The following WWOX variants were observed in gnomAD, a reference collection of about 807,000 sequenced individuals.
WWOX encodes WW domain containing oxidoreductase.
A neutral mutation model predicts 46.2 loss-of-function variants in WWOX; 69 were observed. The observed-to-expected ratio is 1.49, with a 90% CI of 1.23 to 1.82. The LOEUF (loss-of-function observed/expected upper bound fraction) is 1.82, where lower values mean the gene tolerates loss of function less well. Ranked by LOEUF, WWOX falls within the 40% of genes most tolerant of loss-of-function variation. The pLI is 0.00. For missense variants in WWOX, 919 were observed against 542.6 expected (o/e 1.69, Z -6.89); for synonymous variants, 359 against 202.6 (o/e 1.77, Z -6.56).
chr16:79,212,083 C>T lies in WWOX; in HGVS notation c.*287C>T, dbSNP rs751222745. On this transcript the variant is annotated 3_prime_UTR_variant, in exon 9 of 9. Transcript: ENST00000566780. ...GCTTGGTGTGTAGGTTCCGTATCTC[C>T]CTGGAGAAGCACCAGCAATTCTCTT... 9.9e-5 allele frequency: 152 copies of T among 1,536,106 alleles called. No individual in the cohort carries two copies. Among genetic ancestry groups the T allele is most frequent in the Non-Finnish European group, 1.3e-4 (145 of 1,146,898 alleles).
At chr16:79,195,996 C>A (rs1012747127) in intron 8 of WWOX, among the ~76,000 whole-genome samples, 1 of 152,154 alleles carries the variant, frequency 6.6e-6, no homozygotes. Context: ...TTAGTGGGGA[C>A]AATAATACTA....
At chr16:78,711,155 C>T (rs1156591389) in intron 8 of WWOX, among the ~76,000 whole-genome samples, 1 of 152,184 alleles carries the variant, frequency 6.6e-6, no homozygotes, top group East Asian at 1.9e-4. Flanking sequence ...TGTGTCCTCT[C>T]TGTTCTTGCT....
At chr16:78,888,032 A>G (rs1466656925) in intron 8 of WWOX, among the ~76,000 whole-genome samples, 1 of 152,240 alleles carries the variant, frequency 6.6e-6, no homozygotes, top group Non-Finnish European at 1.5e-5. Context: ...GCATTAGAAT[A>G]TAACTGTATG....
At chr16:78,429,646 ATG>A (rs1432351960) in intron 7 of WWOX, among the ~76,000 whole-genome samples, 1 of 152,190 alleles carries the variant, frequency 6.6e-6, no homozygotes, top group Non-Finnish European at 1.5e-5. Flanking sequence ...TTTTCAAGTC[ATG>A]TCCCATACCT....
intron 8 of WWOX, among the ~76,000 whole-genome samples, chr16:79,133,302 G>A (rs939476419): frequency 1.3e-5 from 2 of 152,042 alleles, no homozygotes; most frequent in African/African-American, 2.4e-5. Context: ...TCAATGAGAC[G>A]CCACTTAACA....
intron 8 of WWOX, among the ~76,000 whole-genome samples, chr16:78,969,461 G>C (rs979490850): frequency 1.4e-4 from 22 of 151,926 alleles, no homozygotes; most frequent in Admixed American, 1.4e-3. Flanking sequence ...AGTACAGACA[G>C]GGTTTCACCG....
At chr16:78,837,660 A>T (rs2052026285) in intron 8 of WWOX, among the ~76,000 whole-genome samples, 1 of 152,142 alleles carries the variant, frequency 6.6e-6, no homozygotes, top group South Asian at 2.1e-4. Context: ...AATATTTTGT[A>T]TCTTATACCA....
chr16:78,922,824 A>G (rs937634444), intron 8 of WWOX, among the ~76,000 whole-genome samples: 1 of 152,230 alleles, frequency 6.6e-6, no homozygotes, highest in African/African-American at 2.4e-5. Flanking sequence ...TGGGGGTCCC[A>G]GTCCTGGGCA....
intron 8 of WWOX, among the ~76,000 whole-genome samples, chr16:78,791,685 C>T (rs892449066): frequency 2.0e-5 from 3 of 152,088 alleles, no homozygotes; most frequent in Non-Finnish European, 2.9e-5. Context: ...CGAGACCAGC[C>T]TGGCCAACAT....
At position 78,321,338 on chromosome 16, in the gene WWOX, GTATA is replaced by G. The variant is rs199807849; in HGVS notation, c.517-65515_517-65512del. Reference sequence around the variant, plus strand: ...TGCGTATATATATACGTATATATGCGTATATATATACGTATATATGCGTATATAT... The same window carrying G: ...TGCGTATATATATACGTATATATGCGTATATACGTATATATGCGTATATAT... On this transcript the variant is annotated intron_variant, in intron 5 of 8. Coordinates refer to ENST00000566780, the MANE Select transcript of WWOX (RefSeq NM_016373.4). 1.4e-4 allele frequency among the ~76,000 whole-genome samples: 7 copies of G among 51,462 alleles called. 1 individual carries two copies. Among genetic ancestry groups the G allele is most frequent in the African/African-American group, 5.8e-4 (7 of 12,064 alleles). 33.8% of individuals were successfully genotyped at this position (51,462 alleles called of 152,430 possible).
chr16:79,203,441 G>A (rs2051406238), intron 8 of WWOX: 4 of 151,990 alleles, frequency 2.6e-5, no homozygotes, highest in African/African-American at 4.8e-5. Context: ...GTTTCTGGAA[G>A]GCAGAGTTAA....
Position 78,544,510 on chromosome 16 carries a change from G to A in WWOX, c.1056+111758G>A, listed in dbSNP as rs990474121. Among the ~76,000 whole-genome samples, 5 of 152,194 alleles carry A rather than the reference G, an allele frequency of 3.3e-5. 1 individual carries two copies. Among genetic ancestry groups the A allele is most frequent in the Non-Finnish European group, 2.9e-5 (2 of 68,038 alleles). ...CACAGAGCTGCTGAGTGGCAGAGTTGTAATTCCCATGCAGAACTGTGTGGC... is the reference window on the plus strand; with the variant it reads ...CACAGAGCTGCTGAGTGGCAGAGTTATAATTCCCATGCAGAACTGTGTGGC... On this transcript the variant is annotated intron_variant, in intron 8 of 8. Transcript: ENST00000566780.
chr16:78,395,058 G>C (rs1171411101), intron 6 of WWOX, among the ~76,000 whole-genome samples: 1 of 152,154 alleles, frequency 6.6e-6, no homozygotes, highest in East Asian at 1.9e-4. Flanking sequence ...TGGAGCCTGG[G>C]GCTATTGGTA....
chr16:79,085,347 T>G (rs957141545), intron 8 of WWOX, among the ~76,000 whole-genome samples: 1 of 152,176 alleles, frequency 6.6e-6, no homozygotes, highest in Non-Finnish European at 1.5e-5. Context: ...GAAAATGATA[T>G]GAGGTTGAAG....
intron 8 of WWOX, among the ~76,000 whole-genome samples, chr16:79,011,459 TTTTATTTATTTATTTATTTATTTA>T (rs56691445): frequency 9.1e-5 from 12 of 132,010 alleles, no homozygotes; most frequent in East Asian, 2.2e-4. Flanking sequence ...TTATTTTTTA[TTTTATTTATTTATTTATTTATTTA>T]TTTATTTATT....
At chr16:78,771,507 C>G (rs375150085) in intron 8 of WWOX, among the ~76,000 whole-genome samples, 2 of 152,176 alleles carry the variant, frequency 1.3e-5, no homozygotes, top group African/African-American at 4.8e-5. Flanking sequence ...TGCGGTGGCT[C>G]ACGCCTGTAA....
At chr16:79,007,054 C>T (rs923575611) in intron 8 of WWOX, among the ~76,000 whole-genome samples, 1 of 152,098 alleles carries the variant, frequency 6.6e-6, no homozygotes, top group East Asian at 1.9e-4. Flanking sequence ...GACCATTATC[C>T]AGCCTTCCAC....
intron 8 of WWOX, among the ~76,000 whole-genome samples, chr16:79,049,309 G>A (rs2048122796): frequency 6.6e-6 from 1 of 152,180 alleles, no homozygotes; most frequent in Non-Finnish European, 1.5e-5. Flanking sequence ...GCATAATAGT[G>A]CAAGCAGCAC....
At chr16:78,248,359 T>A (rs28523959) in intron 5 of WWOX, among the ~76,000 whole-genome samples, 2,600 of 152,274 alleles carry the variant, frequency 0.017, 65 homozygotes, top group African/African-American at 0.056. Flanking sequence ...CCACACAGCA[T>A]ACGTGCTAAA....
Sources: allele counts gnomAD v4.1 joint callset (sites outside exome capture counted in the v4.1 genomes callset), GRCh38; gene constraint gnomAD v4.1.1; transcripts MANE v1.5; gene names NCBI Gene and HGNC (gene_info 2026-07-23, HGNC 2026-07-21).